EPOP: variants seen among roughly 807,000 people sequenced by gnomAD.
EPOP encodes elongin BC and polycomb repressive complex 2 associated protein, also known as elongin BC and Polycomb repressive complex 2-associated protein.
In EPOP, 14 loss-of-function variants were observed where a neutral mutation model predicts 18.2. The observed-to-expected ratio is 0.77, with a 90% CI of 0.51 to 1.20. The LOEUF is 1.20. Ranked by LOEUF, EPOP falls within the 50% of genes most tolerant of loss-of-function variation. The probability of loss-of-function intolerance (pLI) is 0.00; values close to 1 mark genes in which losing one functional copy is unlikely to be tolerated. For synonymous variants in EPOP, 252 were observed against 274.9 expected (o/e 0.92, Z 0.83); for missense variants, 527 against 577.2 (o/e 0.91, Z 0.89).
rs1911071035 is a variant in EPOP, at chr17:38,674,745, C to A, written c.-250G>T. 2.6e-6 allele frequency: 1 copy of A among 380,702 alleles called. No homozygotes were observed. The highest frequency in any genetic ancestry group is 4.7e-6 in the Non-Finnish European group (1 of 214,630). 23.6% of individuals were successfully genotyped at this position (380,702 alleles called of 1,614,324 possible). On this transcript the variant is annotated 5_prime_UTR_variant, in exon 1 of 1. Transcript: ENST00000621654. This position sits in a 1 kb window ranked among gnomAD's most constrained non-coding sequence, Gnocchi z 4.5. ...CCCGGCGGGGTCGGCCGCCCTTCTGCCGCCGCGTCCCCTTCGCAACCCCGG... is the reference window on the plus strand; with the variant it reads ...CCCGGCGGGGTCGGCCGCCCTTCTGACGCCGCGTCCCCTTCGCAACCCCGG...
Position 38,674,345 on chromosome 17 carries a change from G to T in EPOP, c.151C>A (p.Pro51Thr). Reference protein sequence around the residue: ...RALAFCALAKPRASSLGPGPG... With the variant: ...RALAFCALAKTRASSLGPGPG... Reference sequence around the variant, plus strand: ...CCCGGGCCCAGAGAGGACGCCCGGGGCTTGGCAAGGGCGCAGAAGGCGAGG... The same window carrying T: ...CCCGGGCCCAGAGAGGACGCCCGGGTCTTGGCAAGGGCGCAGAAGGCGAGG... Residue 51 changes from proline (P) to threonine (T), a missense_variant, in exon 1 of 1, where the codon CCC (proline) becomes ACC (threonine). Pro to Thr is a conservative substitution (Grantham distance 38). Transcript: ENST00000621654. This position sits in a 1 kb window ranked among gnomAD's most constrained non-coding sequence, Gnocchi z 4.5. 6.5e-7 allele frequency: 1 copy of T among 1,540,660 alleles called. No homozygotes were observed. Among genetic ancestry groups the T allele is most frequent in the African/African-American group, 1.4e-5 (1 of 72,790 alleles).
chr17:38,673,183 AC>A lies in EPOP; in HGVS notation c.*172del. On this transcript the variant is annotated 3_prime_UTR_variant, in exon 1 of 1. Coordinates refer to ENST00000621654, the MANE Select transcript of EPOP (RefSeq NM_001130677.2). ...CCTCTGCAAAGGATGAGGGGGAGGGACTGTCACCCCGAAAACTTAGGTGCTT... is the reference window on the plus strand; with the variant it reads ...CCTCTGCAAAGGATGAGGGGGAGGGATGTCACCCCGAAAACTTAGGTGCTT... 1 of 1,187,290 alleles carries A rather than the reference AC, an allele frequency of 8.4e-7. No homozygotes were observed. The highest frequency in any genetic ancestry group is 1.1e-6 in the Non-Finnish European group (1 of 901,736). The allele number at this position is 1,187,290 out of a possible 1,614,324, so 73.5% of individuals were successfully genotyped here. A position where few individuals can be genotyped will look rare whatever the true frequency, so the allele number is the denominator to read the frequency against.
At position 38,674,378 on chromosome 17, in the gene EPOP, G is replaced by A. The variant is rs1372339644; in HGVS notation, c.118C>T (p.Leu40=). The A allele has an allele frequency of 1.9e-5, 30 of 1,543,634 alleles. No homozygotes were observed. The South Asian group carries it at 3.5e-4, about 18-fold the overall frequency. ...RGTQEFSPLC[L]RALAFCALAK... is the part of the protein sequence containing the mutation. ...AGGGCGCAGAAGGCGAGGGCACGCA[G>A]GCACAGCGGAGAGAATTCCTGGGTC... Residue 40 remains leucine, a synonymous_variant, in exon 1 of 1, where the codon CTG becomes TTG. Coordinates refer to ENST00000621654, the MANE Select transcript of EPOP (RefSeq NM_001130677.2). The surrounding 1 kb of genome is among the most constrained non-coding windows in gnomAD (Gnocchi z 4.5).
At position 38,673,920 on chromosome 17, in the gene EPOP, C is replaced by A; in HGVS notation, c.576G>T (p.Glu192Asp). 1 of 1,388,504 alleles carries A rather than the reference C, an allele frequency of 7.2e-7. No individual in the cohort carries two copies. Among genetic ancestry groups the A allele is most frequent in the Non-Finnish European group, 9.3e-7 (1 of 1,078,638 alleles). 86.0% of individuals were successfully genotyped at this position (1,388,504 alleles called of 1,614,324 possible). The change falls in exon 1 of 1, where the codon GAG (glutamate) becomes GAT (aspartate). Residue 192 changes from glutamate (E) to aspartate (D), a missense_variant. Glu to Asp is a conservative substitution (Grantham distance 45). Transcript: ENST00000621654. The stretch of plus-strand genomic sequence containing the variant: ...GCGGCGCCGTCCCGGGACCCGCGGG[C>A]TCGGTGGAGAGGCCCGCAGGTGGCG... ...PPSPPAGLST[E>D]PAGPGTAPRP... is the part of the protein sequence containing the mutation.
Position 38,674,314 on chromosome 17 carries a change from C to G in EPOP, c.182G>C (p.Gly61Ala). ...CACTGGGGACCGCGCCGCCAGCTCC[C>G]CAGGCCCCGGGCCCAGAGAGGACGC... ...PRASSLGPGP[G>A]ELAARSPVLR... Residue 61 changes from glycine (G) to alanine (A), a missense_variant, in exon 1 of 1, where the codon GGG (glycine) becomes GCG (alanine). Transcript: ENST00000621654. The surrounding 1 kb of genome is among the most constrained non-coding windows in gnomAD (Gnocchi z 4.5). 1.3e-6 allele frequency: 2 copies of G among 1,530,998 alleles called. No individual in the cohort carries two copies. Among genetic ancestry groups the G allele is most frequent in the Non-Finnish European group, 1.7e-6 (2 of 1,143,034 alleles). 94.8% of individuals were successfully genotyped at this position (1,530,998 alleles called of 1,614,324 possible).
chr17:38,673,766 G>A lies in EPOP; in HGVS notation c.730C>T (p.His244Tyr), dbSNP rs1452870856. Reference protein sequence around the residue: ...PAAPGDLRQEHFDRLIRRSKL... With the variant: ...PAAPGDLRQEYFDRLIRRSKL... Reference sequence around the variant, plus strand: ...GACCGGCGGATCAGACGATCGAAATGTTCCTGGCGGAGATCTCCGGGTGCG... The same window carrying A: ...GACCGGCGGATCAGACGATCGAAATATTCCTGGCGGAGATCTCCGGGTGCG... The change falls in exon 1 of 1, where the codon CAT becomes TAT. Residue 244 changes from histidine (H) to tyrosine (Y), a missense_variant. Physicochemically the swap from His to Tyr is moderately conservative, Grantham distance 83. Transcript: ENST00000621654. 3.9e-6 allele frequency: 6 copies of A among 1,522,828 alleles called. No individual in the cohort carries two copies. In the Admixed American group the frequency reaches 1.0e-4, roughly 26 times the overall value. The allele number at this position is 1,522,828 out of a possible 1,614,324, so 94.3% of individuals were successfully genotyped here.
At position 38,673,835 on chromosome 17, in the gene EPOP, C is replaced by T; in HGVS notation, c.661G>A (p.Glu221Lys). Residue 221 changes from glutamate (E) to lysine (K), a missense_variant, in exon 1 of 1, where the codon GAG (glutamate) becomes AAG (lysine). Physicochemically the swap from Glu to Lys is moderately conservative, Grantham distance 56. Coordinates refer to ENST00000621654, the MANE Select transcript of EPOP (RefSeq NM_001130677.2). ...VDGNPPPAAP[E>K]APAASPSTAS... ...GTCGAGGGGCTGGCCGCTGGAGCCT[C>T]GGGGGCGGCCGGCGGGGGGTTTCCA... The T allele has an allele frequency of 6.7e-7, 1 of 1,489,418 alleles. No homozygotes were observed. The highest frequency in any genetic ancestry group is 8.9e-7 in the Non-Finnish European group (1 of 1,119,318). The allele number at this position is 1,489,418 out of a possible 1,614,324, so 92.3% of individuals were successfully genotyped here. A position where few individuals can be genotyped will look rare whatever the true frequency, so the allele number is the denominator to read the frequency against.
chr17:38,674,661 C>T lies in EPOP; in HGVS notation c.-166G>A. ...CACCCGGGGCCGCAGAGCTCGGGCT[C>T]CCTCTTCGCTCTCCTCACGCGGCCC... is the stretch of plus-strand genomic sequence containing the variant. On this transcript the variant is annotated 5_prime_UTR_variant, in exon 1 of 1. Transcript: ENST00000621654. This position sits in a 1 kb window ranked among gnomAD's most constrained non-coding sequence, Gnocchi z 4.5. 3.3e-6 allele frequency: 2 copies of T among 615,136 alleles called. No homozygotes were observed. Among genetic ancestry groups the T allele is most frequent in the Non-Finnish European group, 2.6e-6 (1 of 389,832 alleles). The allele number at this position is 615,136 out of a possible 1,614,324, so 38.1% of individuals were successfully genotyped here.
In EPOP at chr17:38,673,530, G is replaced by C. The variant is rs776694501; in HGVS notation, c.966C>G (p.Pro322=). ...CGTCTTCCCCCACCACCAGGGCCGG[G>C]GGGCAGGGGAAGCAGTTGAGGAGGC... ...TFSLLNCFPC[P]PALVVGEDGD... is the part of the protein sequence containing the mutation. Residue 322 remains proline (P), a synonymous_variant, in exon 1 of 1, where the codon CCC becomes CCG. Transcript: ENST00000621654. The C allele has an allele frequency of 4.0e-5, 61 of 1,517,662 alleles. No individual in the cohort carries two copies. The South Asian group carries it at 4.7e-4, about 12-fold the overall frequency. 94.0% of individuals were successfully genotyped at this position (1,517,662 alleles called of 1,614,324 possible).
At position 38,673,065 on chromosome 17, in the gene EPOP, G is replaced by T; in HGVS notation, c.*291C>A. The T allele has an allele frequency of 2.6e-6, 1 of 380,992 alleles. No homozygotes were observed. Among genetic ancestry groups the T allele is most frequent in the Non-Finnish European group, 4.6e-6 (1 of 218,734 alleles). 23.6% of individuals were successfully genotyped at this position (380,992 alleles called of 1,614,324 possible). Reference sequence around the variant, plus strand: ...AGCGGTGGCCTCCTTTGCTCCCACTGGGGTGCAGGCCCTGCCTCCAACGGT... The same window carrying T: ...AGCGGTGGCCTCCTTTGCTCCCACTTGGGTGCAGGCCCTGCCTCCAACGGT... On this transcript the variant is annotated 3_prime_UTR_variant, in exon 1 of 1. Coordinates refer to ENST00000621654, the MANE Select transcript of EPOP (RefSeq NM_001130677.2).
Position 38,673,438 on chromosome 17 carries a change from AGCGGGTGG to A in EPOP, c.1050_1057del (p.His351ValfsTer12). The A allele has an allele frequency of 1.5e-5, 1 of 65,248 alleles. No individual in the cohort carries two copies. The highest frequency in any genetic ancestry group is 3.0e-5 in the Non-Finnish European group (1 of 33,754). The allele number at this position is 65,248 out of a possible 1,614,324, so 4.0% of individuals were successfully genotyped here. A position where few individuals can be genotyped will look rare whatever the true frequency, so the allele number is the denominator to read the frequency against. On this transcript the variant is annotated frameshift_variant, in exon 1 of 1. Coordinates refer to ENST00000621654, the MANE Select transcript of EPOP (RefSeq NM_001130677.2). LOFTEE classifies it high-confidence loss of function. ...GGGACCCCCCATCTGCCACCTCCAC[AGCGGGTGG>A]GCGGGCGGGGGCTTAGAGTCTCCCT...
rs1333858203 is a variant in EPOP, at chr17:38,674,573, G to A, written c.-78C>T. The A allele has an allele frequency of 7.3e-7, 1 of 1,362,774 alleles. No individual in the cohort carries two copies. The highest frequency in any genetic ancestry group is 1.5e-5 in the African/African-American group (1 of 65,362). The allele number at this position is 1,362,774 out of a possible 1,614,324, so 84.4% of individuals were successfully genotyped here. ...GCCCTGGCTGCCCGAAGAGCCCACGGGTGAGGGGAACATCGCCCCCCGTCG... is the reference window on the plus strand; with the variant it reads ...GCCCTGGCTGCCCGAAGAGCCCACGAGTGAGGGGAACATCGCCCCCCGTCG... On this transcript the variant is annotated 5_prime_UTR_variant, in exon 1 of 1. Transcript: ENST00000621654. The surrounding 1 kb of genome is among the most constrained non-coding windows in gnomAD (Gnocchi z 4.5).
In EPOP at chr17:38,674,044, G is replaced by A. The variant is rs1597973514; in HGVS notation, c.452C>T (p.Thr151Ile). The part of the protein sequence containing the change: ...PAPPHPREST[T>I]SFASAPPRPA... The stretch of plus-strand genomic sequence containing the variant: ...GCGAGGCGGGGCCGAGGCGAAGCTG[G>A]TCGTAGATTCCCGAGGGTGCGGGGG... The change falls in exon 1 of 1, where the codon ACC becomes ATC. Residue 151 changes from threonine (T) to isoleucine (I), a missense_variant. Transcript: ENST00000621654. This position sits in a 1 kb window ranked among gnomAD's most constrained non-coding sequence, Gnocchi z 4.5. 3 of 1,390,114 alleles carry A rather than the reference G, an allele frequency of 2.2e-6. No individual in the cohort carries two copies. The highest frequency in any genetic ancestry group is 1.8e-6 in the Non-Finnish European group (2 of 1,082,416). 86.1% of individuals were successfully genotyped at this position (1,390,114 alleles called of 1,614,324 possible).
rs780396561 is a variant in EPOP, at chr17:38,673,354, G to C, written c.*2C>G. On this transcript the variant is annotated 3_prime_UTR_variant, in exon 1 of 1. Transcript: ENST00000621654. ...TTTTCCCCTTTGGCAGAAGTCCCAC[G>C]GTCAGCTTTCATCCATGTTGATCCC... 5 of 1,522,548 alleles carry C rather than the reference G, an allele frequency of 3.3e-6. No homozygotes were observed. The African/African-American group carries it at 7.2e-5, about 22-fold the overall frequency. The allele number at this position is 1,522,548 out of a possible 1,614,324, so 94.3% of individuals were successfully genotyped here. A position where few individuals can be genotyped will look rare whatever the true frequency, so the allele number is the denominator to read the frequency against.
At position 38,674,163 on chromosome 17, in the gene EPOP, T is replaced by C. The variant is rs1303381565; in HGVS notation, c.333A>G (p.Ala111=). 2 of 1,428,858 alleles carry C rather than the reference T, an allele frequency of 1.4e-6. No individual in the cohort carries two copies. The highest frequency in any genetic ancestry group is 3.1e-5 in the Admixed American group (1 of 32,052). 88.5% of individuals were successfully genotyped at this position (1,428,858 alleles called of 1,614,324 possible). The change falls in exon 1 of 1, where the codon GCA becomes GCG. Residue 111 remains alanine (A), a synonymous_variant. Transcript: ENST00000621654. This position sits in a 1 kb window ranked among gnomAD's most constrained non-coding sequence, Gnocchi z 4.5. The part of the protein sequence containing the change: ...NTAAGEDADV[A]ACPRRGEEEE... Reference sequence around the variant, plus strand: ...CCTCCTCTCCGCGGCGGGGGCACGCTGCGACGTCCGCATCCTCGCCGGCGG... The same window carrying C: ...CCTCCTCTCCGCGGCGGGGGCACGCCGCGACGTCCGCATCCTCGCCGGCGG...
rs996872785 is a variant in EPOP at position 38,673,022 on chromosome 17, G to C, written c.*334C>G. ...TCTCTCTCTTCTCCCCTTTTTTTTG[G>C]GTGGGGGGGTGTCTTTGAGCGGTGG... On this transcript the variant is annotated 3_prime_UTR_variant, in exon 1 of 1. Coordinates refer to ENST00000621654, the MANE Select transcript of EPOP (RefSeq NM_001130677.2). 1 of 275,180 alleles carries C rather than the reference G, an allele frequency of 3.6e-6. No homozygotes were observed. Among genetic ancestry groups the C allele is most frequent in the Non-Finnish European group, 6.7e-6 (1 of 148,688 alleles). 17.0% of individuals were successfully genotyped at this position (275,180 alleles called of 1,614,324 possible).
In EPOP at chr17:38,673,360, C is replaced by A; in HGVS notation, c.1136G>T (p.Ser379Ile). ...LKFWGINMDE[S>I] is the part of the protein sequence containing the mutation. Reference sequence around the variant, plus strand: ...CCTTTGGCAGAAGTCCCACGGTCAGCTTTCATCCATGTTGATCCCCCAGAA... The same window carrying A: ...CCTTTGGCAGAAGTCCCACGGTCAGATTTCATCCATGTTGATCCCCCAGAA... Residue 379 changes from serine to isoleucine, a missense_variant, in exon 1 of 1, where the codon AGC (serine) becomes ATC (isoleucine). Physicochemically the swap from Ser to Ile is moderately radical, Grantham distance 142. Transcript: ENST00000621654. 6.6e-7 allele frequency: 1 copy of A among 1,511,076 alleles called. No individual in the cohort carries two copies. The highest frequency in any genetic ancestry group is 1.2e-5 in the South Asian group (1 of 81,132). The allele number at this position is 1,511,076 out of a possible 1,614,324, so 93.6% of individuals were successfully genotyped here.
Position 38,674,679 on chromosome 17 carries a change from C to A in EPOP, c.-184G>T. ...TCGGGCTCCCTCTTCGCTCTCCTCA[C>A]GCGGCCCTCCCGGCGGCCGGACTCC... On this transcript the variant is annotated 5_prime_UTR_variant, in exon 1 of 1. Transcript: ENST00000621654. This position sits in a 1 kb window ranked among gnomAD's most constrained non-coding sequence, Gnocchi z 4.5. 2.0e-6 allele frequency: 1 copy of A among 512,236 alleles called. No homozygotes were observed. The highest frequency in any genetic ancestry group is 4.2e-5 in the Admixed American group (1 of 23,734). 31.7% of individuals were successfully genotyped at this position (512,236 alleles called of 1,614,324 possible). A position where few individuals can be genotyped will look rare whatever the true frequency, so the allele number is the denominator to read the frequency against.
At position 38,673,812 on chromosome 17, in the gene EPOP, C is replaced by A. The variant is rs1037119932; in HGVS notation, c.684G>T (p.Ser228=). 6.6e-7 allele frequency: 1 copy of A among 1,507,304 alleles called. No individual in the cohort carries two copies. Among genetic ancestry groups the A allele is most frequent in the Non-Finnish European group, 8.9e-7 (1 of 1,128,362 alleles). 93.4% of individuals were successfully genotyped at this position (1,507,304 alleles called of 1,614,324 possible). A position where few individuals can be genotyped will look rare whatever the true frequency, so the allele number is the denominator to read the frequency against. The part of the protein sequence containing the change: ...AAPEAPAASP[S]TASPAPAAPG... ...GTGCGGCCGGAGCCGGGCTGGCCGTCGAGGGGCTGGCCGCTGGAGCCTCGG... is the reference window on the plus strand; with the variant it reads ...GTGCGGCCGGAGCCGGGCTGGCCGTAGAGGGGCTGGCCGCTGGAGCCTCGG... Residue 228 remains serine (S), a synonymous_variant, in exon 1 of 1, where the codon TCG becomes TCT. Transcript: ENST00000621654.
Sources: gnomAD v4.1 joint callset for allele counts on GRCh38, gnomAD v4.1.1 for gene constraint, Gnocchi (gnomAD v3.1) non-coding constraint, MANE v1.5 for transcripts, NCBI Gene and HGNC (gene_info 2026-07-23, HGNC 2026-07-21) for gene names.